Variants in HS3ST1 observed in about 807,000 individuals in gnomAD.
The protein encoded by HS3ST1 is heparan sulfate-glucosamine 3-sulfotransferase 1, also known as heparan sulfate glucosamine 3-O-sulfotransferase 1.
Under a neutral mutation model 20.7 loss-of-function variants are expected in HS3ST1, and 8 were observed. The observed-to-expected ratio is 0.39, with a 90% confidence interval of 0.23 to 0.70. The LOEUF is 0.70. Among genes scored for constraint, HS3ST1 ranks in the 30% least tolerant of loss-of-function variants. HS3ST1 has a pLI of 0.46. For synonymous variants in HS3ST1, 205 were observed against 190.4 expected (o/e 1.08, Z -0.63); for missense variants, 436 against 423.4 (o/e 1.03, Z -0.26).
At chr4:11,411,923 A>G (rs1016193340) in intron 1 of HS3ST1, among the ~76,000 whole-genome samples, 3 of 152,122 alleles carry the variant, frequency 2.0e-5, no homozygotes, top group African/African-American at 4.8e-5. Flanking sequence ...TGTGATCTCT[A>G]TATGAATTTT....
In HS3ST1 at chr4:11,399,461, C is replaced by G; in HGVS notation, c.545G>C (p.Gly182Ala). 1 of 1,613,996 alleles carries G rather than the reference C, an allele frequency of 6.2e-7. No homozygotes were observed. Among genetic ancestry groups the G allele is most frequent in the South Asian group, 1.1e-5 (1 of 91,082 alleles). Residue 182 changes from glycine (G) to alanine (A), a missense_variant, in exon 2 of 2, where the codon GGC becomes GCC. Coordinates refer to ENST00000002596, the MANE Select transcript of HS3ST1 (RefSeq NM_005114.4). This position sits in a 1 kb window ranked among gnomAD's most constrained non-coding sequence, Gnocchi z 5.1. The stretch of plus-strand genomic sequence containing the variant: ...GGCCTTGTAGTCCACATTGAGCCTG[C>G]CATCGCGCACCAGGAACTCCTCGAT... The part of the protein sequence containing the change: ...PSIEEFLVRD[G>A]RLNVDYKALN...
chr4:11,412,166 C>T lies in HS3ST1; in HGVS notation c.-108-12053G>A, dbSNP rs184507470. 3.1e-4 allele frequency among the ~76,000 whole-genome samples: 47 copies of T among 152,238 alleles called. No individual in the cohort carries two copies. In the South Asian group the frequency reaches 7.3e-3, roughly 24 times the overall value. Reference sequence around the variant, plus strand: ...GCATATCCACAAAGTCTTCTTTGCTCGAAAGGGCCAAAGCACCAGGGTAAA... The same window carrying T: ...GCATATCCACAAAGTCTTCTTTGCTTGAAAGGGCCAAAGCACCAGGGTAAA... On this transcript the variant is annotated intron_variant, in intron 1 of 1. Transcript: ENST00000002596.
At chr4:11,401,619 C>T (rs1376387002) in intron 1 of HS3ST1, among the ~76,000 whole-genome samples, 1 of 152,198 alleles carries the variant, frequency 6.6e-6, no homozygotes, top group Non-Finnish European at 1.5e-5. Flanking sequence ...GCTGGGATTA[C>T]AGGCATGAGC....
intron 1 of HS3ST1, among the ~76,000 whole-genome samples, chr4:11,422,964 AG>A (rs1346091898): frequency 7.4e-6 from 1 of 135,982 alleles, no homozygotes; most frequent in East Asian, 2.5e-4. Flanking sequence ...CAGAGGTTGC[AG>A]TGAGCTGGGA....
upstream of HS3ST1, among the ~76,000 whole-genome samples, chr4:11,430,885 A>G (rs1033988831): frequency 1.4e-4 from 21 of 152,324 alleles, no homozygotes; most frequent in African/African-American, 4.8e-4. Context: ...TCATTGATCG[A>G]TAATCTATGT....
rs1718140362 is a variant in HS3ST1, at chr4:11,396,165, CAGA to C, written c.*2914_*2916del. The C allele has an allele frequency of 1.3e-5, 2 of 152,342 alleles. No homozygotes were observed. The highest frequency in any genetic ancestry group is 3.9e-4 in the East Asian group (2 of 5,166). The allele number at this position is 152,342 out of a possible 1,614,324, so 9.4% of individuals were successfully genotyped here. A position where few individuals can be genotyped will look rare whatever the true frequency, so the allele number is the denominator to read the frequency against. On this transcript the variant is annotated 3_prime_UTR_variant, in exon 2 of 2. Coordinates refer to ENST00000002596, the MANE Select transcript of HS3ST1 (RefSeq NM_005114.4). ...TTTCAGTTGGGTAAGCCTCCAAGCA[CAGA>C]AGGAGTAAAGCACCCTGTGCTCAGA...
intron 1 of HS3ST1, among the ~76,000 whole-genome samples, chr4:11,409,475 A>G (rs1718560241): frequency 6.6e-6 from 1 of 152,170 alleles, no homozygotes; most frequent in South Asian, 2.1e-4. Context: ...CCTTATAAGA[A>G]GAGGAAGATA....
chr4:11,411,202 G>A lies in HS3ST1; in HGVS notation c.-108-11089C>T, dbSNP rs535763160. On this transcript the variant is annotated intron_variant, in intron 1 of 1. Transcript: ENST00000002596. Reference sequence around the variant, plus strand: ...ACCAGGGATAGAGCAATGACAAAGCGGCATCCATGCCTGAAAGAGCTCAAG... The same window carrying A: ...ACCAGGGATAGAGCAATGACAAAGCAGCATCCATGCCTGAAAGAGCTCAAG... Among the ~76,000 whole-genome samples the A allele has an allele frequency of 2.8e-4, 43 of 152,234 alleles. No individual in the cohort carries two copies. In the South Asian group the frequency reaches 7.0e-3, roughly 25 times the overall value.
upstream of HS3ST1, among the ~76,000 whole-genome samples, chr4:11,432,106 T>C (rs571273534): frequency 5.9e-5 from 9 of 152,304 alleles, no homozygotes; most frequent in Admixed American, 4.6e-4. Context: ...GTTTGCTATT[T>C]TTCTGGTTTT....
At position 11,395,251 on chromosome 4, in the gene HS3ST1, C is replaced by T. The variant is rs1718105872; in HGVS notation, c.*3831G>A. 6.6e-6 allele frequency: 1 copy of T among 152,066 alleles called. No homozygotes were observed. The highest frequency in any genetic ancestry group is 2.1e-4 in the South Asian group (1 of 4,816). The allele number at this position is 152,066 out of a possible 1,614,324, so 9.4% of individuals were successfully genotyped here. On this transcript the variant is annotated 3_prime_UTR_variant, in exon 2 of 2. Coordinates refer to ENST00000002596, the MANE Select transcript of HS3ST1 (RefSeq NM_005114.4). ...CTCTGTGGCCCACAAGTTAAGTGAC[C>T]TGCCCTGACATGCGACCTCTGGGAA...
chr4:11,394,663 T>G lies in HS3ST1; in HGVS notation c.*4419A>C, dbSNP rs768292209. On this transcript the variant is annotated 3_prime_UTR_variant, in exon 2 of 2. Transcript: ENST00000002596. ...AATTTCCCTTACAGGCTCTGCCTAATAGACAGATGCATATGCTTTATATCT... is the reference window on the plus strand; with the variant it reads ...AATTTCCCTTACAGGCTCTGCCTAAGAGACAGATGCATATGCTTTATATCT... The G allele has an allele frequency of 2.0e-5, 3 of 152,250 alleles. No individual in the cohort carries two copies. Among genetic ancestry groups the G allele is most frequent in the Non-Finnish European group, 4.4e-5 (3 of 68,056 alleles). 9.4% of individuals were successfully genotyped at this position (152,250 alleles called of 1,614,324 possible). A position where few individuals can be genotyped will look rare whatever the true frequency, so the allele number is the denominator to read the frequency against.
At position 11,400,049 on chromosome 4, in the gene HS3ST1, C is replaced by A; in HGVS notation, c.-44G>T. The A allele has an allele frequency of 4.2e-6, 6 of 1,443,216 alleles. No homozygotes were observed. Among genetic ancestry groups the A allele is most frequent in the South Asian group, 2.9e-5 (2 of 68,708 alleles). 89.4% of individuals were successfully genotyped at this position (1,443,216 alleles called of 1,614,324 possible). A position where few individuals can be genotyped will look rare whatever the true frequency, so the allele number is the denominator to read the frequency against. ...TTCACTGGGCCGCGCGCCGCTGGGT[C>A]ATGAAGTGCCGCAGCAGGGAAGCCT... On this transcript the variant is annotated 5_prime_UTR_variant, in exon 2 of 2. It removes an upstream start codon present in the reference 5' UTR. Transcript: ENST00000002596.
chr4:11,419,360 A>G (rs746756093), intron 1 of HS3ST1, among the ~76,000 whole-genome samples: 2 of 152,162 alleles, frequency 1.3e-5, no homozygotes, highest in African/African-American at 2.4e-5. Flanking sequence ...ACACTCTCCC[A>G]TGAATATGAT....
intron 1 of HS3ST1, among the ~76,000 whole-genome samples, chr4:11,425,948 T>TA (rs59645212): frequency 0.29 from 44,703 of 151,942 alleles, 8,205 homozygotes; most frequent in African/African-American, 0.52. Context: ...GGAAAAAAAC[T>TA]GGGAATAGCC....
rs1718186841 is a variant in HS3ST1, at chr4:11,398,079, A to C, written c.*1003T>G. ...TTTTAACTTCAACACTTGGGAACTT[A>C]CTTTTTCTTTCACATTCAGGACTCC... On this transcript the variant is annotated 3_prime_UTR_variant, in exon 2 of 2. Coordinates refer to ENST00000002596, the MANE Select transcript of HS3ST1 (RefSeq NM_005114.4). 1 of 152,176 alleles carries C rather than the reference A, an allele frequency of 6.6e-6. No individual in the cohort carries two copies. Among genetic ancestry groups the C allele is most frequent in the South Asian group, 2.1e-4 (1 of 4,828 alleles). 9.4% of individuals were successfully genotyped at this position (152,176 alleles called of 1,614,324 possible).
At chr4:11,418,431 G>A (rs560679176) in intron 1 of HS3ST1, among the ~76,000 whole-genome samples, 1 of 152,196 alleles carries the variant, frequency 6.6e-6, no homozygotes, top group Non-Finnish European at 1.5e-5. Flanking sequence ...ATATAATTCT[G>A]TTTGACAGAT....
chr4:11,406,294 A>C (rs1718463267), intron 1 of HS3ST1, among the ~76,000 whole-genome samples: 1 of 152,204 alleles, frequency 6.6e-6, no homozygotes, highest in African/African-American at 2.4e-5. Flanking sequence ...TGAGCAAAGA[A>C]TCTTTTGCAA....
Position 11,398,959 on chromosome 4 carries a change from C to T in HS3ST1, c.*123G>A. ...TGGCAATTGTGAATCTAATACTGTA[C>T]AGAAGTACTTTATGGATTTTACAAA... On this transcript the variant is annotated 3_prime_UTR_variant, in exon 2 of 2. Coordinates refer to ENST00000002596, the MANE Select transcript of HS3ST1 (RefSeq NM_005114.4). The T allele has an allele frequency of 2.3e-6, 2 of 851,070 alleles. No individual in the cohort carries two copies. The highest frequency in any genetic ancestry group is 1.8e-6 in the Non-Finnish European group (1 of 551,752). The allele number at this position is 851,070 out of a possible 1,614,324, so 52.7% of individuals were successfully genotyped here.
intron 1 of HS3ST1, among the ~76,000 whole-genome samples, chr4:11,421,938 G>A (rs999442457): frequency 2.0e-5 from 3 of 152,204 alleles, no homozygotes; most frequent in Non-Finnish European, 2.9e-5. Context: ...AAGATGGTGA[G>A]AGCTCCCCTG....
Sources: allele counts gnomAD v4.1 joint callset (sites outside exome capture counted in the v4.1 genomes callset), GRCh38; gene constraint gnomAD v4.1.1; non-coding constraint Gnocchi (gnomAD v3.1); transcripts MANE v1.5; gene names NCBI Gene and HGNC (gene_info 2026-07-23, HGNC 2026-07-21).